The following MICAL2 variants were observed in gnomAD, a reference collection of about 807,000 sequenced individuals.
MICAL2 encodes the protein [F-actin]-monooxygenase MICAL2.
In MICAL2, 77 loss-of-function variants were observed where a neutral mutation model predicts 127.3. The ratio of observed to expected loss-of-function variants is 0.60; its 90% CI spans 0.50 to 0.73. The LOEUF (loss-of-function observed/expected upper bound fraction) is 0.73. Among genes scored for constraint, MICAL2 ranks in the 30% least tolerant of loss-of-function variants. The probability of loss-of-function intolerance (pLI) is 0.00; values close to 1 mark genes in which losing one functional copy is unlikely to be tolerated. For missense variants in MICAL2, 1,351 were observed against 1,434.4 expected (o/e 0.94, Z 0.94); for synonymous variants, 570 against 551.1 (o/e 1.03, Z -0.48).
Position 12,226,385 on chromosome 11 carries a change from A to G in MICAL2, c.1888+15A>G. On this transcript the variant is annotated intron_variant, in intron 14 of 27. Coordinates refer to ENST00000683283, the MANE Select transcript of MICAL2 (RefSeq NM_001282663.2). ...GAGGCCCGTGGGTAAGCACCTGCAC[A>G]GAGGTTTTGCTTAGCCCCTTGAGCC... is the stretch of plus-strand genomic sequence containing the variant. 6.2e-7 allele frequency: 1 copy of G among 1,613,016 alleles called. No homozygotes were observed. Among genetic ancestry groups the G allele is most frequent in the East Asian group, 2.2e-5 (1 of 44,850 alleles).
intron 1 of MICAL2, among the ~76,000 whole-genome samples, chr11:12,130,756 A>G (rs765995791): frequency 6.6e-6 from 1 of 152,140 alleles, no homozygotes; most frequent in Non-Finnish European, 1.5e-5. Context: ...TTAAGTGCAC[A>G]TGGCAGCATT....
intron 17 of MICAL2, among the ~76,000 whole-genome samples, chr11:12,239,967 C>CT (rs1420647953): frequency 6.6e-6 from 1 of 152,232 alleles, no homozygotes; most frequent in African/African-American, 2.4e-5. Context: ...TTTGGTTTTG[C>CT]TTTCCAACCG....
rs542825816 is a variant in MICAL2 at position 12,234,230 on chromosome 11, T to C, written c.1996-1947T>C. ...CCGTGGAACAGTCCCACCCTGGGCT[T>C]GTTGAGTACAAAAGAGAGTAAAATG... On this transcript the variant is annotated intron_variant, in intron 15 of 27. Coordinates refer to ENST00000683283, the MANE Select transcript of MICAL2 (RefSeq NM_001282663.2). Among the ~76,000 whole-genome samples, 4 of 152,098 alleles carry C rather than the reference T, an allele frequency of 2.6e-5. No individual in the cohort carries two copies. The South Asian group carries it at 8.3e-4, about 32-fold the overall frequency.
downstream of MICAL2, chr11:12,292,310 G>C: frequency 6.2e-7 from 1 of 1,613,922 alleles, no homozygotes; most frequent in Non-Finnish European, 8.5e-7. Context: ...GAGTGTCCCT[G>C]AGGGTCCTGC....
chr11:12,316,227 T>A (rs1245051795), intron 29 of MICAL2, among the ~76,000 whole-genome samples: 2 of 151,992 alleles, frequency 1.3e-5, no homozygotes, highest in Non-Finnish European at 2.9e-5. Flanking sequence ...TCTGACAATA[T>A]CTTCTTTTTA....
At chr11:12,296,677 T>A (rs1863989712), downstream of MICAL2, among the ~76,000 whole-genome samples, 1 of 151,860 alleles carries the variant, frequency 6.6e-6, no homozygotes, top group Non-Finnish European at 1.5e-5. Flanking sequence ...CCCTGAGCAA[T>A]CCAGGTCCTA....
Position 12,222,535 on chromosome 11 carries a change from G to C in MICAL2, c.1323-82G>C, listed in dbSNP as rs184626084. ...TGTCCAGGAAGCCCTTGAGCCAGAG[G>C]AAGGGGGAAGTAGGGAAGGGTGGGG... On this transcript the variant is annotated intron_variant, in intron 10 of 27. Coordinates refer to ENST00000683283, the MANE Select transcript of MICAL2 (RefSeq NM_001282663.2). The C allele has an allele frequency of 2.4e-4, 372 of 1,574,508 alleles. No homozygotes were observed. The East Asian group carries it at 4.7e-3, about 20-fold the overall frequency.
chr11:12,244,321 G>A (rs1022994209), intron 21 of MICAL2, among the ~76,000 whole-genome samples: 53 of 152,174 alleles, frequency 3.5e-4, no homozygotes, highest in African/African-American at 1.3e-3. Flanking sequence ...TTGCCAAACA[G>A]GGCTCATTCA....
intron 2 of MICAL2, among the ~76,000 whole-genome samples, chr11:12,146,445 A>G (rs1852913565): frequency 6.6e-6 from 1 of 152,270 alleles, no homozygotes; most frequent in Non-Finnish European, 1.5e-5. Context: ...TATGCAGACA[A>G]CAGACACGTG....
At chr11:12,201,305 G>A (rs1853953849) in intron 3 of MICAL2, among the ~76,000 whole-genome samples, 3 of 152,066 alleles carry the variant, frequency 2.0e-5, no homozygotes, top group South Asian at 2.1e-4. Context: ...TGGTGTGGGA[G>A]CTCCTGATAT....
intron 2 of MICAL2, among the ~76,000 whole-genome samples, chr11:12,141,595 A>G (rs1401255747): frequency 6.6e-6 from 1 of 152,326 alleles, no homozygotes; most frequent in East Asian, 1.9e-4. Flanking sequence ...AGAAAACTCT[A>G]ACCTTGTGAG....
chr11:12,201,517 A>G (rs995513332), intron 3 of MICAL2, among the ~76,000 whole-genome samples: 4 of 151,744 alleles, frequency 2.6e-5, no homozygotes, highest in Non-Finnish European at 5.9e-5. Flanking sequence ...TGCTGGGGGT[A>G]GTCAGATCCC....
chr11:12,270,686 C>T (rs965863585), intron 24 of MICAL2, among the ~76,000 whole-genome samples: 5 of 152,192 alleles, frequency 3.3e-5, no homozygotes, highest in East Asian at 1.9e-4. Flanking sequence ...TTAGTTTTGC[C>T]GCTTTCTTTC....
chr11:12,215,850 G>C (rs1160568307), intron 7 of MICAL2, among the ~76,000 whole-genome samples: 4 of 152,224 alleles, frequency 2.6e-5, no homozygotes, highest in Non-Finnish European at 5.9e-5. Context: ...CAGTGGACAG[G>C]ACTTGGAGCT....
At chr11:12,342,957 C>G (rs1938893285) in intron 32 of MICAL2, among the ~76,000 whole-genome samples, 1 of 152,168 alleles carries the variant, frequency 6.6e-6, no homozygotes, top group Non-Finnish European at 1.5e-5. Context: ...CGTAGAGGAG[C>G]CTCTTGGGGC....
downstream of MICAL2, among the ~76,000 whole-genome samples, chr11:12,296,145 G>A (rs968106255): frequency 6.6e-6 from 1 of 152,030 alleles, no homozygotes; most frequent in Non-Finnish European, 1.5e-5. Flanking sequence ...CTTAGAGACA[G>A]TTTAGCTAAA....
chr11:12,118,460 G>T (rs1187308694), intron 1 of MICAL2, among the ~76,000 whole-genome samples: 1 of 152,192 alleles, frequency 6.6e-6, no homozygotes, highest in Non-Finnish European at 1.5e-5. Flanking sequence ...TGCTGAAGAA[G>T]CAACCAGGAT....
intron 7 of MICAL2, 57 bp from the exon 8 acceptor site, chr11:12,216,162 G>T: frequency 7.7e-7 from 1 of 1,295,666 alleles, no homozygotes; most frequent in South Asian, 1.2e-5. Flanking sequence ...TACAGTTCCT[G>T]GCACACAGTT....
intron 32 of MICAL2, among the ~76,000 whole-genome samples, chr11:12,342,274 T>C (rs978843044): frequency 2.6e-5 from 4 of 152,230 alleles, no homozygotes; most frequent in African/African-American, 9.6e-5. Flanking sequence ...GGGCTTTCCA[T>C]GCACCAGCAG....
Sources: gnomAD v4.1 joint callset for allele counts (sites outside exome capture counted in the v4.1 genomes callset) on GRCh38, gnomAD v4.1.1 for gene constraint, MANE v1.5 for transcripts, NCBI Gene and HGNC (gene_info 2026-07-23, HGNC 2026-07-21) for gene names.